The following OXR1 variants were observed in gnomAD, a reference collection of about 807,000 sequenced individuals.
OXR1 encodes oxidation resistance 1, also known as oxidation resistance protein 1.
OXR1 carries 41 observed loss-of-function variants against 104.6 expected under a neutral mutation model. That is an observed-to-expected ratio of 0.39 (90% CI 0.31 to 0.51). The LOEUF (loss-of-function observed/expected upper bound fraction) is 0.51. OXR1 is among the 20% of genes least tolerant of loss of function. OXR1 has a pLI of 0.77. For missense variants in OXR1, 955 were observed against 1,031.9 expected (o/e 0.93, Z 1.02); for synonymous variants, 348 against 348.4 (o/e 1.00, Z 0.01).
At chr8:106,387,560 A>G (rs377321493) in intron 2 of OXR1, among the ~76,000 whole-genome samples, 94 of 152,274 alleles carry the variant, frequency 6.2e-4, no homozygotes, top group African/African-American at 2.2e-3. Context: ...AATCTTTATA[A>G]AAGTGACATT....
intron 2 of OXR1, among the ~76,000 whole-genome samples, chr8:106,476,145 G>A (rs1244730352): frequency 6.6e-6 from 1 of 151,788 alleles, no homozygotes; most frequent in African/African-American, 2.4e-5. Context: ...AGAGTACTGT[G>A]TGTAATGAAA....
chr8:106,650,735 G>T (rs760991173), intron 3 of OXR1, among the ~76,000 whole-genome samples: 3 of 152,122 alleles, frequency 2.0e-5, no homozygotes, highest in Non-Finnish European at 2.9e-5. Flanking sequence ...TATACTAACA[G>T]AAATGTTTTA....
At chr8:106,573,282 T>G (rs1178932037) in intron 3 of OXR1, among the ~76,000 whole-genome samples, 1 of 151,592 alleles carries the variant, frequency 6.6e-6, no homozygotes, top group East Asian at 1.9e-4. Flanking sequence ...AGAATAATGT[T>G]TGGCCAAATG....
intron 3 of OXR1, among the ~76,000 whole-genome samples, chr8:106,538,275 G>C (rs1357331438): frequency 5.3e-5 from 8 of 152,090 alleles, no homozygotes; most frequent in African/African-American, 7.2e-5. Context: ...CATTTTATTA[G>C]TGCTGTATTC....
intron 2 of OXR1, among the ~76,000 whole-genome samples, chr8:106,466,932 T>C (rs977136280): frequency 1.3e-5 from 2 of 151,994 alleles, no homozygotes; most frequent in African/African-American, 2.4e-5. Context: ...ATGATACTTA[T>C]TGATTACTTA....
intron 1 of OXR1, among the ~76,000 whole-genome samples, chr8:106,271,081 G>A (rs765098346): frequency 1.3e-5 from 2 of 152,140 alleles, no homozygotes; most frequent in Non-Finnish European, 2.9e-5. Flanking sequence ...ATCGCTGAGG[G>A]ATTTGGGTGA....
At chr8:106,349,843 A>C (rs1815650779) in intron 1 of OXR1, among the ~76,000 whole-genome samples, 1 of 152,202 alleles carries the variant, frequency 6.6e-6, no homozygotes, top group Non-Finnish European at 1.5e-5. Flanking sequence ...GCACTCAGGA[A>C]AATGCAAAGG....
intron 2 of OXR1, among the ~76,000 whole-genome samples, chr8:106,499,889 G>A (rs1811669470): frequency 6.6e-6 from 1 of 152,206 alleles, no homozygotes; most frequent in Non-Finnish European, 1.5e-5. Context: ...GCAGTGACTT[G>A]CAATTGCAAA....
At chr8:106,540,702 G>A (rs1670385) in intron 3 of OXR1, among the ~76,000 whole-genome samples, 122,221 of 152,132 alleles carry the variant, frequency 0.8, 49,477 homozygotes, top group African/African-American at 0.88. Flanking sequence ...AGAGTTCCAC[G>A]TGGCTGGGGA....
intron 2 of OXR1, among the ~76,000 whole-genome samples, chr8:106,386,076 G>A (rs1240645033): frequency 6.6e-6 from 1 of 152,052 alleles, no homozygotes; most frequent in East Asian, 1.9e-4. Context: ...GCAGTGGGCA[G>A]CAGCAGCAGC....
chr8:106,581,632 C>G (rs7822992), intron 3 of OXR1, among the ~76,000 whole-genome samples: 3 of 151,976 alleles, frequency 2.0e-5, no homozygotes, highest in South Asian at 4.2e-4. Flanking sequence ...TAAACATGAA[C>G]GCAGATGAAT....
chr8:106,656,024 GA>G (rs1012112208), intron 3 of OXR1: 5 of 152,118 alleles, frequency 3.3e-5, no homozygotes, highest in Non-Finnish European at 5.9e-5. Flanking sequence ...TAAATTTTTA[GA>G]AGATGTAAAA....
At chr8:106,412,934 T>C (rs1818517571) in intron 2 of OXR1, among the ~76,000 whole-genome samples, 1 of 152,094 alleles carries the variant, frequency 6.6e-6, no homozygotes, top group Non-Finnish European at 1.5e-5. Context: ...GTTATAGAAA[T>C]TTACTGATAC....
chr8:106,307,189 T>A (rs1261173320), intron 1 of OXR1, among the ~76,000 whole-genome samples: 3 of 152,196 alleles, frequency 2.0e-5, no homozygotes, highest in Non-Finnish European at 4.4e-5. Context: ...GGTTGCTTCC[T>A]GGGAATGGTA....
At chr8:106,635,457 G>GT (rs1472131056) in intron 3 of OXR1, among the ~76,000 whole-genome samples, 4 of 152,046 alleles carry the variant, frequency 2.6e-5, no homozygotes, top group African/African-American at 4.8e-5. Flanking sequence ...TTTTGTTTTT[G>GT]TTTTTTTGAC....
chr8:106,469,180 ACT>A lies in OXR1; in HGVS notation c.24-49758_24-49757del, dbSNP rs758427862. On this transcript the variant is annotated intron_variant, in intron 2 of 16. Coordinates refer to ENST00000517566, the MANE Select transcript of OXR1 (RefSeq NM_001198533.2). The stretch of plus-strand genomic sequence containing the variant: ...AACCAAGGGATTCATTCGTATTCAT[ACT>A]CTCTTTCTCGTCCTCTTTCCCTCCC... 4.6e-5 allele frequency among the ~76,000 whole-genome samples: 7 copies of A among 151,614 alleles called. No individual in the cohort carries two copies. In the South Asian group the frequency reaches 1.0e-3, roughly 23 times the overall value.
intron 1 of OXR1, among the ~76,000 whole-genome samples, chr8:106,316,729 T>TATCTATC (rs1563714029): frequency 0.028 from 2,617 of 93,986 alleles, 33 homozygotes; most frequent in East Asian, 0.04. Flanking sequence ...TCTATCTATC[T>TATCTATC]ATCTATCTAT....
intron 2 of OXR1, among the ~76,000 whole-genome samples, chr8:106,406,607 T>C (rs945886341): frequency 1.3e-5 from 2 of 152,174 alleles, no homozygotes; most frequent in Non-Finnish European, 2.9e-5. Flanking sequence ...AAAGGCTACA[T>C]ACTGTATGAT....
At chr8:106,359,707 G>T in intron 2 of OXR1, 71 bp downstream of exon 2, 4 of 1,092,666 alleles carry the variant, frequency 3.7e-6, no homozygotes, top group Non-Finnish European at 2.7e-6. Flanking sequence ...TGAGGGAGTC[G>T]TACAGGCAGA....
Sources: allele counts gnomAD v4.1 joint callset (sites outside exome capture counted in the v4.1 genomes callset), GRCh38; gene constraint gnomAD v4.1.1; transcripts MANE v1.5; gene names NCBI Gene and HGNC (gene_info 2026-07-23, HGNC 2026-07-21).